The following FYN variants were observed in gnomAD, a reference collection of about 807,000 sequenced individuals.
FYN encodes the protein tyrosine-protein kinase Fyn.
Under a neutral mutation model 70.2 loss-of-function variants are expected in FYN, and 10 were observed. That is an observed-to-expected ratio of 0.14 (90% CI 0.09 to 0.24). FYN has a LOEUF of 0.24. Among genes scored for constraint, FYN ranks in the 10% least tolerant of loss-of-function variants. FYN has a pLI of 1.00. For synonymous variants in FYN, 236 were observed against 248.6 expected, an observed-to-expected ratio of 0.95 and a Z score of 0.48; for missense variants, 319 against 673.1, an observed-to-expected ratio of 0.47 and a Z score of 5.82.
chr6:111,782,851 C>T (rs556767585), intron 2 of FYN, among the ~76,000 whole-genome samples: 12 of 152,214 alleles, frequency 7.9e-5, no homozygotes, highest in Non-Finnish European at 1.8e-4. Flanking sequence ...GCTCCAGCTT[C>T]CCATCAGTCT....
At chr6:111,829,868 G>A (rs1481553854) in intron 2 of FYN, among the ~76,000 whole-genome samples, 1 of 152,038 alleles carries the variant, frequency 6.6e-6, no homozygotes, top group Non-Finnish European at 1.5e-5. Flanking sequence ...CTAGGATGTG[G>A]AGAAGAACAG....
chr6:111,765,879 G>C (rs1363049005), intron 3 of FYN, among the ~76,000 whole-genome samples: 2 of 152,132 alleles, frequency 1.3e-5, no homozygotes, highest in African/African-American at 2.4e-5. Flanking sequence ...AGCCCTCCAA[G>C]GGCACAGAGA....
chr6:111,669,489 C>A lies in FYN; in HGVS notation c.1405+5010G>T, dbSNP rs186505591. ...AGTGTTCCTGTTCTACCAGGTCCTG[C>A]CAAATCCACAAAACAGGTGTTCGGT... On this transcript the variant is annotated intron_variant, in intron 13 of 13. Coordinates refer to ENST00000354650, the MANE Select transcript of FYN (RefSeq NM_002037.5). Among the ~76,000 whole-genome samples, 142 of 149,816 alleles carry A rather than the reference C, an allele frequency of 9.5e-4. 1 individual carries two copies. The highest frequency in any genetic ancestry group is 3.2e-3 in the African/African-American group (132 of 40,954).
chr6:111,843,087 C>T (rs1326329231), intron 2 of FYN, among the ~76,000 whole-genome samples: 1 of 152,192 alleles, frequency 6.6e-6, no homozygotes, highest in Non-Finnish European at 1.5e-5. Flanking sequence ...TGTCTAAACC[C>T]TGCAAACAGT....
At chr6:111,720,096 G>A in intron 3 of FYN, 34 bp from the exon 4 acceptor site, 2 of 1,551,692 alleles carry the variant, frequency 1.3e-6, no homozygotes, top group Non-Finnish European at 1.7e-6. Context: ...ACGTAAGCTG[G>A]GATGCTCCCT....
At chr6:111,682,501 C>T (rs1002417086) in intron 12 of FYN, among the ~76,000 whole-genome samples, 2 of 152,198 alleles carry the variant, frequency 1.3e-5, no homozygotes, top group Non-Finnish European at 2.9e-5. Context: ...TGTTTTCATA[C>T]ATTAAGATGA....
At chr6:111,831,566 G>A (rs533079925) in intron 2 of FYN, among the ~76,000 whole-genome samples, 2 of 152,264 alleles carry the variant, frequency 1.3e-5, no homozygotes, top group South Asian at 2.1e-4. Context: ...TCTAACAGTC[G>A]TGACCCTCCC....
chr6:111,718,283 A>G (rs1363908319), intron 4 of FYN, among the ~76,000 whole-genome samples: 1 of 152,248 alleles, frequency 6.6e-6, no homozygotes, highest in East Asian at 1.9e-4. Context: ...GACTGAAGGC[A>G]GTATTGGGAG....
intron 2 of FYN, among the ~76,000 whole-genome samples, chr6:111,816,375 A>G (rs1193901001): frequency 1.3e-5 from 2 of 152,226 alleles, no homozygotes; most frequent in Non-Finnish European, 2.9e-5. Context: ...GATTTAAGTC[A>G]GTAGTAATAT....
chr6:111,688,618 C>T (rs1181890292), intron 12 of FYN, among the ~76,000 whole-genome samples: 2 of 152,210 alleles, frequency 1.3e-5, no homozygotes, highest in Non-Finnish European at 2.9e-5. Flanking sequence ...TCCAGCCGTG[C>T]CCACGCAGCG....
At chr6:111,822,126 C>G (rs748600739) in intron 2 of FYN, among the ~76,000 whole-genome samples, 1 of 152,206 alleles carries the variant, frequency 6.6e-6, no homozygotes, top group African/African-American at 2.4e-5. Flanking sequence ...CATCCCATTA[C>G]TGGGTATATA....
chr6:111,779,121 A>T (rs377304952), intron 3 of FYN, among the ~76,000 whole-genome samples: 5,637 of 91,582 alleles, frequency 0.062, 395 homozygotes, highest in African/African-American at 0.17. Flanking sequence ...AGTAGGAGAC[A>T]TTTTTTTTTT....
At chr6:111,703,960 T>C in intron 7 of FYN, 39 bp downstream of exon 7, 2 of 1,505,678 alleles carry the variant, frequency 1.3e-6, no homozygotes, top group Middle Eastern at 1.7e-4. Context: ...AATCCACAGA[T>C]TTGAATGACA....
intron 5 of FYN, among the ~76,000 whole-genome samples, chr6:111,711,302 G>A (rs1161004515): frequency 2.0e-5 from 3 of 151,958 alleles, no homozygotes; most frequent in African/African-American, 7.3e-5. Flanking sequence ...CCTACCCTCA[G>A]CTGTGACCAA....
chr6:111,761,263 T>A (rs1053014605), intron 3 of FYN, among the ~76,000 whole-genome samples: 1 of 152,226 alleles, frequency 6.6e-6, no homozygotes, highest in African/African-American at 2.4e-5. Context: ...GACTAAGAAG[T>A]TAAGCCACTT....
At chr6:111,681,304 AG>A (rs1324663911) in intron 12 of FYN, among the ~76,000 whole-genome samples, 1 of 152,168 alleles carries the variant, frequency 6.6e-6, no homozygotes, top group Non-Finnish European at 1.5e-5. Flanking sequence ...CTGCAATTAC[AG>A]GCATGAGCCA....
At chr6:111,848,737 G>A (rs1773601350) in intron 1 of FYN, among the ~76,000 whole-genome samples, 1 of 152,144 alleles carries the variant, frequency 6.6e-6, no homozygotes, top group South Asian at 2.1e-4. Flanking sequence ...ATAAAGAGTG[G>A]CATTTGCTTT....
intron 9 of FYN, chr6:111,696,933 G>C (rs1348772375): frequency 1.3e-5 from 2 of 152,372 alleles, no homozygotes; most frequent in Non-Finnish European, 2.9e-5. Context: ...ATTACCTCTA[G>C]ACTTTCAATG....
At chr6:111,827,959 T>C (rs1187622157) in intron 2 of FYN, among the ~76,000 whole-genome samples, 1 of 152,160 alleles carries the variant, frequency 6.6e-6, no homozygotes, top group Non-Finnish European at 1.5e-5. Flanking sequence ...CCAGTAAAGA[T>C]GCTGTCCAAC....
Sources: gnomAD v4.1 joint callset for allele counts (sites outside exome capture counted in the v4.1 genomes callset) on GRCh38, gnomAD v4.1.1 for gene constraint, MANE v1.5 for transcripts, NCBI Gene and HGNC (gene_info 2026-07-23, HGNC 2026-07-21) for gene names.